The following SBSN variants were observed in gnomAD, a reference collection of about 807,000 sequenced individuals.
SBSN encodes suprabasin, also known as HLAR698.
SBSN carries 33 observed loss-of-function variants against 42.8 expected under a neutral mutation model. That is an observed-to-expected ratio of 0.77 (90% CI 0.58 to 1.03). SBSN has a LOEUF of 1.03. Ranked by LOEUF, SBSN falls within the 50% of genes least tolerant of loss-of-function variation. SBSN has a pLI of 0.00. For missense variants in SBSN, 646 were observed against 757.3 expected (o/e 0.85, Z 1.72); for synonymous variants, 276 against 307.0 (o/e 0.90, Z 1.06).
At chr19:35,525,159 G>T (rs1029731544) in intron 1 of SBSN, among the ~76,000 whole-genome samples, 1 of 152,100 alleles carries the variant, frequency 6.6e-6, no homozygotes, top group Non-Finnish European at 1.5e-5. Flanking sequence ...TTAATGAAGT[G>T]CTCTCAGTCA....
rs2071404842 is a variant in SBSN, at chr19:35,528,113, C to T, written c.169G>A (p.Gly57Arg). Residue 57 changes from glycine (G) to arginine (R), a missense_variant, in exon 1 of 4, where the codon GGA (glycine) becomes AGA (arginine). Gly to Arg is a moderately radical substitution (Grantham distance 125). This residue lies in a region of SBSN where 190 missense variants were observed against 197.1 expected (regional missense o/e 0.96). Coordinates refer to ENST00000452271, the MANE Select transcript of SBSN (RefSeq NM_001166034.2). ...VGKALDGINSGITHAGREVEK... is the reference protein window; with the variant it reads ...VGKALDGINSRITHAGREVEK... ...ACTTCCCTTCCGGCATGCGTGATTC[C>T]ACTGTTGATGCCATCCAGGGCCTTG... 1 of 1,614,064 alleles carries T rather than the reference C, an allele frequency of 6.2e-7. No homozygotes were observed. Among genetic ancestry groups the T allele is most frequent in the East Asian group, 2.2e-5 (1 of 44,846 alleles).
chr19:35,527,481 A>T lies in SBSN; in HGVS notation c.801T>A (p.Gly267=), dbSNP rs2071392257. Reference sequence around the variant, plus strand: ...CTGTCTCCTTCCAGCCCTCACTGAGACCATGGTGGACCCCCTGGCCAAATC... The same window carrying T: ...CTGTCTCCTTCCAGCCCTCACTGAGTCCATGGTGGACCCCCTGGCCAAATC... The part of the protein sequence containing the change: ...AGRFGQGVHH[G]LSEGWKETEK... Residue 267 remains glycine (G), a synonymous_variant, in exon 1 of 4, where the codon GGT becomes GGA. Coordinates refer to ENST00000452271, the MANE Select transcript of SBSN (RefSeq NM_001166034.2). The T allele has an allele frequency of 6.4e-7, 1 of 1,558,226 alleles. No individual in the cohort carries two copies. The highest frequency in any genetic ancestry group is 8.6e-7 in the Non-Finnish European group (1 of 1,161,400).
chr19:35,527,881 A>G lies in SBSN; in HGVS notation c.401T>C (p.Ile134Thr). Residue 134 changes from isoleucine (I) to threonine (T), a missense_variant, in exon 1 of 4, where the codon ATC becomes ACC. By Grantham distance (89) the Ile-to-Thr change is moderately conservative. Coordinates refer to ENST00000452271, the MANE Select transcript of SBSN (RefSeq NM_001166034.2). ...GQVGKEADKL[I>T]HHGVHHGANQ... is the part of the protein sequence containing the mutation. Reference sequence around the variant, plus strand: ...GGCCCCGTGATGGACCCCATGATGGATCAGTTTGTCTGCCTCCTTCCCAAC... The same window carrying G: ...GGCCCCGTGATGGACCCCATGATGGGTCAGTTTGTCTGCCTCCTTCCCAAC... 1.9e-6 allele frequency: 3 copies of G among 1,613,442 alleles called. No homozygotes were observed. The highest frequency in any genetic ancestry group is 1.7e-6 in the Non-Finnish European group (2 of 1,179,872).
In SBSN at chr19:35,527,473, T is replaced by A. The variant is rs1460381604; in HGVS notation, c.809A>T (p.Glu270Val). Residue 270 changes from glutamate to valine, a missense_variant, in exon 1 of 4, where the codon GAG becomes GTG. By Grantham distance (121) the Glu-to-Val change is moderately radical (BLOSUM62 -2). Around this residue, in one of 3 missense-constraint regions of SBSN, gnomAD observed 220 missense variants for 334.5 expected, o/e 0.66. Transcript: ENST00000452271. ...FGQGVHHGLS[E>V]GWKETEKFGQ... ...AAACTTCTCTGTCTCCTTCCAGCCCTCACTGAGACCATGGTGGACCCCCTG... is the reference window on the plus strand; with the variant it reads ...AAACTTCTCTGTCTCCTTCCAGCCCACACTGAGACCATGGTGGACCCCCTG... 1 of 1,568,204 alleles carries A rather than the reference T, an allele frequency of 6.4e-7. No homozygotes were observed. The highest frequency in any genetic ancestry group is 8.6e-7 in the Non-Finnish European group (1 of 1,165,854).
In SBSN at chr19:35,526,773, G is replaced by T. The variant is rs144488557; in HGVS notation, c.1509C>A (p.Asp503Glu). Residue 503 changes from aspartate (D) to glutamate (E), a missense_variant, in exon 1 of 4, where the codon GAC (aspartate) becomes GAA (glutamate). By Grantham distance (45) the Asp-to-Glu change is conservative (BLOSUM62 2). Coordinates refer to ENST00000452271, the MANE Select transcript of SBSN (RefSeq NM_001166034.2). ...GCTTCTCCACTTCCTTTCCAGCCTGGTCAGCAGCATGGTTGACCCCTTGGC... is the reference window on the plus strand; with the variant it reads ...GCTTCTCCACTTCCTTTCCAGCCTGTTCAGCAGCATGGTTGACCCCTTGGC... ...KLGQGVNHAA[D>E]QAGKEVEKLG... is the part of the protein sequence containing the mutation. The T allele has an allele frequency of 2.9e-5, 47 of 1,604,534 alleles. No individual in the cohort carries two copies. Among genetic ancestry groups the T allele is most frequent in the Non-Finnish European group, 3.7e-5 (44 of 1,176,344 alleles).
chr19:35,526,661 C>T lies in SBSN; in HGVS notation c.1621G>A (p.Ala541Thr). Reference protein sequence around the residue: ...HNGVNQASKEANQLLNGNHQS... With the variant: ...HNGVNQASKETNQLLNGNHQS... ...TCACCTACATTCAGCAGCTGGTTGGCCTCCTTGCTGGCTTGGTTGACCCCA... is the reference window on the plus strand; with the variant it reads ...TCACCTACATTCAGCAGCTGGTTGGTCTCCTTGCTGGCTTGGTTGACCCCA... Residue 541 changes from alanine (A) to threonine (T), a missense_variant, in exon 1 of 4, where the codon GCC becomes ACC. Coordinates refer to ENST00000452271, the MANE Select transcript of SBSN (RefSeq NM_001166034.2). The T allele has an allele frequency of 7.4e-7, 1 of 1,360,496 alleles. No individual in the cohort carries two copies. The highest frequency in any genetic ancestry group is 9.8e-7 in the Non-Finnish European group (1 of 1,022,772). The allele number at this position is 1,360,496 out of a possible 1,614,324, so 84.3% of individuals were successfully genotyped here. A position where few individuals can be genotyped will look rare whatever the true frequency, so the allele number is the denominator to read the frequency against.
chr19:35,524,501 G>A (rs929633137), intron 3 of SBSN, among the ~76,000 whole-genome samples: 1 of 152,046 alleles, frequency 6.6e-6, no homozygotes, highest in Admixed American at 6.5e-5. Context: ...TGGTGGAAAT[G>A]AAAGGCACCC....
intron 3 of SBSN, 144 bp downstream of exon 3, chr19:35,524,567 G>A (rs539624681): frequency 6.3e-5 from 47 of 748,404 alleles, no homozygotes; most frequent in Non-Finnish European, 9.9e-5. Flanking sequence ...GGGAAGCCCA[G>A]GACTGGGTAT....
At position 35,526,967 on chromosome 19, in the gene SBSN, T is replaced by C. The variant is rs1405462915; in HGVS notation, c.1315A>G (p.Ile439Val). The C allele has an allele frequency of 1.3e-6, 2 of 1,563,146 alleles. No homozygotes were observed. Among genetic ancestry groups the C allele is most frequent in the African/African-American group, 2.7e-5 (2 of 73,238 alleles). ...CCAGGTTGGACACCATGAACTGCTA[T>C]GTCTCCCTCTTTCCCAGCCTGCCCT... ...TAGQAGKEGD[I>V]AVHGVQPGVH... The change falls in exon 1 of 4, where the codon ATA becomes GTA. Residue 439 changes from isoleucine (I) to valine (V), a missense_variant. By Grantham distance (29) the Ile-to-Val change is conservative. Coordinates refer to ENST00000452271, the MANE Select transcript of SBSN (RefSeq NM_001166034.2).
In SBSN at chr19:35,528,171, G is replaced by A. The variant is rs762454513; in HGVS notation, c.111C>T (p.Asn37=). The A allele has an allele frequency of 4.3e-6, 7 of 1,613,992 alleles. 1 individual carries two copies. In the South Asian group the frequency reaches 5.5e-5, roughly 13 times the overall value. The change falls in exon 1 of 4, where the codon AAC becomes AAT. Residue 37 remains asparagine (N), a synonymous_variant. Coordinates refer to ENST00000452271, the MANE Select transcript of SBSN (RefSeq NM_001166034.2). ...DPIEKVIEGI[N]RGLSNAEREV... ...CTCTCTCTGCATTGCTCAGCCCTCG[G>A]TTGATCCCTTCAATGACCTTCTCAA...
Position 35,524,943 on chromosome 19 carries a change from C to A in SBSN, c.1639-19G>T, listed in dbSNP as rs1394166981. 1 of 1,613,534 alleles carries A rather than the reference C, an allele frequency of 6.2e-7. No individual in the cohort carries two copies. Among genetic ancestry groups the A allele is most frequent in the Admixed American group, 1.7e-5 (1 of 59,988 alleles). On this transcript the variant is annotated intron_variant, in intron 1 of 3. Coordinates refer to ENST00000452271, the MANE Select transcript of SBSN (RefSeq NM_001166034.2). ...GGTTGCCCTGTGGACAAAGCCCAGA[C>A]TCTTGTTACAACCCCACAAACGCGG...
At position 35,527,089 on chromosome 19, in the gene SBSN, C is replaced by T. The variant is rs757207554; in HGVS notation, c.1193G>A (p.Gly398Glu). 6.5e-7 allele frequency: 1 copy of T among 1,537,672 alleles called. No homozygotes were observed. Among genetic ancestry groups the T allele is most frequent in the Non-Finnish European group, 8.7e-7 (1 of 1,146,920 alleles). ...QGVHHAASQVGKEEDRVVQGL... is the reference protein window; with the variant it reads ...QGVHHAASQVEKEEDRVVQGL... ...TTGGACCACTCTGTCTTCCTCCTTC[C>T]CCACCTGCGAGGCAGCATGGTGGAC... Residue 398 changes from glycine (G) to glutamate (E), a missense_variant, in exon 1 of 4, where the codon GGG becomes GAG. By Grantham distance (98) the Gly-to-Glu change is moderately conservative. Transcript: ENST00000452271.
Position 35,526,894 on chromosome 19 carries a change from T to C in SBSN, c.1388A>G (p.His463Arg), listed in dbSNP as rs1173191416. Residue 463 changes from histidine to arginine, a missense_variant, in exon 1 of 4, where the codon CAC becomes CGC. By Grantham distance (29) the His-to-Arg change is conservative. Around this residue, in one of 3 missense-constraint regions of SBSN, gnomAD observed 236 missense variants for 225.6 expected, o/e 1.05. Transcript: ENST00000452271. ...CTTCCCGGCCTGTTCAAGGGTATGG[T>C]GAACTCCCTGGCCAAACTGCCCTGC... The part of the protein sequence containing the change: ...KEAGQFGQGV[H>R]HTLEQAGKEA... 6.2e-7 allele frequency: 1 copy of C among 1,612,448 alleles called. No homozygotes were observed. Among genetic ancestry groups the C allele is most frequent in the Non-Finnish European group, 8.5e-7 (1 of 1,179,238 alleles).
rs755805308 is a variant in SBSN, at chr19:35,527,870, C to T, written c.412G>A (p.Val138Ile). The T allele has an allele frequency of 1.9e-6, 3 of 1,613,902 alleles. No homozygotes were observed. Among genetic ancestry groups the T allele is most frequent in the Non-Finnish European group, 1.7e-6 (2 of 1,180,020 alleles). ...KEADKLIHHG[V>I]HHGANQAGSE... ...CCCGCCTGGTTGGCCCCGTGATGGACCCCATGATGGATCAGTTTGTCTGCC... is the reference window on the plus strand; with the variant it reads ...CCCGCCTGGTTGGCCCCGTGATGGATCCCATGATGGATCAGTTTGTCTGCC... The change falls in exon 1 of 4, where the codon GTC becomes ATC. Residue 138 changes from valine to isoleucine, a missense_variant. Physicochemically the swap from Val to Ile is conservative, Grantham distance 29 (BLOSUM62 3). Coordinates refer to ENST00000452271, the MANE Select transcript of SBSN (RefSeq NM_001166034.2).
In SBSN at chr19:35,528,058, A is replaced by G. The variant is rs1456554484; in HGVS notation, c.224T>C (p.Met75Thr). ...CAACTCCTTGCCGGTGTGGCTCCCC[A>G]TGTTGCTAAGTCCGTTGAAAACCTT... ...VEKVFNGLSN[M>T]GSHTGKELDK... The change falls in exon 1 of 4, where the codon ATG becomes ACG. Residue 75 changes from methionine (M) to threonine (T), a missense_variant. Coordinates refer to ENST00000452271, the MANE Select transcript of SBSN (RefSeq NM_001166034.2). 1.2e-6 allele frequency: 2 copies of G among 1,613,782 alleles called. No homozygotes were observed. Among genetic ancestry groups the G allele is most frequent in the Non-Finnish European group, 1.7e-6 (2 of 1,180,012 alleles).
chr19:35,527,106 A>G lies in SBSN; in HGVS notation c.1176T>C (p.His392=), dbSNP rs550828254. Residue 392 remains histidine, a synonymous_variant, in exon 1 of 4, where the codon CAT becomes CAC. Transcript: ENST00000452271. ...EAEKFGQGVH[H]AASQVGKEED... is the part of the protein sequence containing the mutation. ...CCTCCTTCCCCACCTGCGAGGCAGC[A>G]TGGTGGACACCCTGGCCAAACTTCT... 6.1e-5 allele frequency: 94 copies of G among 1,537,284 alleles called. 3 individuals are homozygous for G. The South Asian group carries it at 8.2e-4, about 13-fold the overall frequency.
At chr19:35,525,169 A>G (rs2071356464) in intron 1 of SBSN, among the ~76,000 whole-genome samples, 1 of 152,104 alleles carries the variant, frequency 6.6e-6, no homozygotes, top group Non-Finnish European at 1.5e-5. Flanking sequence ...GCTCTCAGTC[A>G]TGGAGGAGGG....
rs755194905 is a variant in SBSN at position 35,528,100 on chromosome 19, G to A, written c.182C>T (p.Ala61Val). The A allele has an allele frequency of 2.0e-5, 33 of 1,613,894 alleles. No individual in the cohort carries two copies. Among genetic ancestry groups the A allele is most frequent in the Non-Finnish European group, 2.6e-5 (31 of 1,180,012 alleles). Reference sequence around the variant, plus strand: ...GAAAACCTTCTCCACTTCCCTTCCGGCATGCGTGATTCCACTGTTGATGCC... The same window carrying A: ...GAAAACCTTCTCCACTTCCCTTCCGACATGCGTGATTCCACTGTTGATGCC... The part of the protein sequence containing the change: ...LDGINSGITH[A>V]GREVEKVFNG... The change falls in exon 1 of 4, where the codon GCC becomes GTC. Residue 61 changes from alanine to valine, a missense_variant. Physicochemically the swap from Ala to Val is moderately conservative, Grantham distance 64 (BLOSUM62 0). Coordinates refer to ENST00000452271, the MANE Select transcript of SBSN (RefSeq NM_001166034.2).
chr19:35,527,883 C>A lies in SBSN; in HGVS notation c.399G>T (p.Leu133=). The change falls in exon 1 of 4, where the codon CTG becomes CTT. Residue 133 remains leucine (L), a synonymous_variant. Coordinates refer to ENST00000452271, the MANE Select transcript of SBSN (RefSeq NM_001166034.2). ...CCCCGTGATGGACCCCATGATGGAT[C>A]AGTTTGTCTGCCTCCTTCCCAACCT... is the stretch of plus-strand genomic sequence containing the variant. ...AGQVGKEADK[L]IHHGVHHGAN... is the part of the protein sequence containing the mutation. 6.2e-7 allele frequency: 1 copy of A among 1,613,606 alleles called. No homozygotes were observed. Among genetic ancestry groups the A allele is most frequent in the Non-Finnish European group, 8.5e-7 (1 of 1,179,894 alleles).
Sources: allele counts gnomAD v4.1 joint callset (sites outside exome capture counted in the v4.1 genomes callset), GRCh38; gene constraint gnomAD v4.1.1; regional missense constraint gnomAD v4.1.1; transcripts MANE v1.5; gene names NCBI Gene and HGNC (gene_info 2026-07-23, HGNC 2026-07-21).